KALRN: variants seen among roughly 807,000 people sequenced by gnomAD.
The protein encoded by KALRN is kalirin.
Under a neutral mutation model 353.7 loss-of-function variants are expected in KALRN, and 70 were observed. That is an observed-to-expected ratio of 0.20 (90% confidence interval 0.16 to 0.24). KALRN has a LOEUF of 0.24. KALRN is among the 10% of genes least tolerant of loss of function. The pLI, the probability that KALRN is intolerant of heterozygous loss-of-function variation, is 1.00. For synonymous variants in KALRN, 1,391 were observed against 1,434.8 expected (o/e 0.97, Z 0.69); for missense variants, 2,791 against 3,756.7 (o/e 0.74, Z 6.72).
chr3:124,642,814 T>TTTGTTGTTG (rs1559750137), intron 37 of KALRN, among the ~76,000 whole-genome samples: 4 of 102,198 alleles, frequency 3.9e-5, no homozygotes, highest in Admixed American at 2.3e-4. Flanking sequence ...TCGTTTTTTT[T>TTTGTTGTTG]TTTTTTTTTT....
At chr3:124,103,298 A>G (rs1456562986) in intron 1 of KALRN, among the ~76,000 whole-genome samples, 1 of 152,148 alleles carries the variant, frequency 6.6e-6, no homozygotes, top group Non-Finnish European at 1.5e-5. Flanking sequence ...AGTGGGGTGG[A>G]GATTACTGTG....
chr3:124,679,841 G>A, intron 51 of KALRN: 1 of 393,056 alleles, frequency 2.5e-6, no homozygotes, highest in Non-Finnish European at 4.8e-6. Flanking sequence ...ATTTTTTCAT[G>A]GAAAACAGCA....
intron 10 of KALRN, among the ~76,000 whole-genome samples, chr3:124,358,882 A>G (rs2083704335): frequency 6.6e-6 from 1 of 152,096 alleles, no homozygotes; most frequent in African/African-American, 2.4e-5. Context: ...CAGGCTGTCA[A>G]CCACCCTGCT....
Position 124,474,682 on chromosome 3 carries a change from G to A in KALRN, c.4051G>A (p.Glu1351Lys). 2.5e-6 allele frequency: 4 copies of A among 1,614,046 alleles called. No homozygotes were observed. The highest frequency in any genetic ancestry group is 3.4e-6 in the Non-Finnish European group (4 of 1,179,950). Residue 1351 changes from glutamate (E) to lysine (K), a missense_variant, in exon 26 of 60, where the codon GAG (glutamate) becomes AAG (lysine). By Grantham distance (56) the Glu-to-Lys change is moderately conservative (BLOSUM62 1). Transcript: ENST00000682506. Reference sequence around the variant, plus strand: ...TTGCAGCATCTTCCTCAAAGAGCTGGAGAAGTACGAGCAACTGCCTGAGGA... The same window carrying A: ...TTGCAGCATCTTCCTCAAAGAGCTGAAGAAGTACGAGCAACTGCCTGAGGA... Reference protein sequence around the residue: ...FHNNIFLKELEKYEQLPEDVG... With the variant: ...FHNNIFLKELKKYEQLPEDVG...
At chr3:124,538,197 C>T (rs139036631) in intron 33 of KALRN, among the ~76,000 whole-genome samples, 9 of 152,030 alleles carry the variant, frequency 5.9e-5, no homozygotes, top group South Asian at 2.1e-4. Flanking sequence ...TTTGAGTGAC[C>T]TTGATATAGG....
rs529163294 is a variant in KALRN at position 124,275,220 on chromosome 3, TGAG to T, written c.969+5969_969+5971del. On this transcript the variant is annotated intron_variant, in intron 5 of 59. Transcript: ENST00000682506. ...GTGGTGATGACAGAGAATAAACTTCTGAGGAGATGTACCAGAATCTGCAGAGTG... is the reference window on the plus strand; with the variant it reads ...GTGGTGATGACAGAGAATAAACTTCTGAGATGTACCAGAATCTGCAGAGTG... Among the ~76,000 whole-genome samples the T allele has an allele frequency of 7.3e-4, 111 of 152,332 alleles. 1 individual carries two copies. The highest frequency in any genetic ancestry group is 2.5e-3 in the African/African-American group (105 of 41,572).
chr3:124,187,154 C>T (rs1418382362), intron 1 of KALRN, among the ~76,000 whole-genome samples: 5 of 152,188 alleles, frequency 3.3e-5, no homozygotes, highest in Admixed American at 1.3e-4. Context: ...GATCTCAGCT[C>T]GCTGCAAACT....
intron 1 of KALRN, among the ~76,000 whole-genome samples, chr3:124,102,732 T>A (rs918371546): frequency 6.6e-6 from 1 of 152,240 alleles, no homozygotes; most frequent in Non-Finnish European, 1.5e-5. Flanking sequence ...CACTATCCTT[T>A]GTATTTTCAC....
chr3:124,241,806 T>G (rs1045412738), intron 3 of KALRN, among the ~76,000 whole-genome samples: 1 of 151,940 alleles, frequency 6.6e-6, no homozygotes, highest in East Asian at 1.9e-4. Context: ...TGACTGGGAG[T>G]GGGGAGACTT....
At chr3:124,272,202 A>C (rs994349904) in intron 5 of KALRN, among the ~76,000 whole-genome samples, 10 of 152,264 alleles carry the variant, frequency 6.6e-5, no homozygotes, top group Non-Finnish European at 1.2e-4. Context: ...TAAAAATAGC[A>C]GCACTATATG....
chr3:124,237,943 A>G (rs1031953798), intron 3 of KALRN, among the ~76,000 whole-genome samples: 1 of 152,194 alleles, frequency 6.6e-6, no homozygotes, highest in Admixed American at 6.5e-5. Context: ...AATTTAAGGA[A>G]CCAGCAAACT....
At chr3:124,311,966 A>G (rs1261836887) in intron 6 of KALRN, among the ~76,000 whole-genome samples, 4 of 152,334 alleles carry the variant, frequency 2.6e-5, no homozygotes, top group Non-Finnish European at 5.9e-5. Flanking sequence ...TTTAAAGAAG[A>G]AAGTAGATTA....
intron 1 of KALRN, among the ~76,000 whole-genome samples, chr3:124,113,453 T>C (rs562611079): frequency 4.3e-4 from 65 of 152,312 alleles, no homozygotes; most frequent in African/African-American, 1.4e-3. Flanking sequence ...AGAATATGCA[T>C]GTGAGGATCT....
intron 13 of KALRN, among the ~76,000 whole-genome samples, chr3:124,409,433 A>G (rs1370534161): frequency 6.6e-6 from 1 of 152,216 alleles, no homozygotes; most frequent in Non-Finnish European, 1.5e-5. Flanking sequence ...TAAGCCAGAG[A>G]AAAATATTCG....
chr3:124,223,339 GC>G (rs2078126291), intron 1 of KALRN, among the ~76,000 whole-genome samples: 1 of 152,070 alleles, frequency 6.6e-6, no homozygotes, highest in Non-Finnish European at 1.5e-5. Flanking sequence ...TCAATTGTAA[GC>G]CAGATCTCTT....
chr3:124,661,229 C>T (rs1450260739), intron 44 of KALRN, among the ~76,000 whole-genome samples: 2 of 152,110 alleles, frequency 1.3e-5, no homozygotes, highest in Non-Finnish European at 2.9e-5. Flanking sequence ...CCTGGTGACA[C>T]ATAGTGGGAA....
At chr3:124,543,823 G>A (rs369249422) in intron 33 of KALRN, among the ~76,000 whole-genome samples, 2 of 152,230 alleles carry the variant, frequency 1.3e-5, no homozygotes, top group Non-Finnish European at 2.9e-5. Flanking sequence ...AACAGGGAGA[G>A]AACAGTATAA....
At chr3:124,433,582 A>G (rs2093357360) in intron 16 of KALRN, among the ~76,000 whole-genome samples, 1 of 145,346 alleles carries the variant, frequency 6.9e-6, no homozygotes, top group South Asian at 2.2e-4. Flanking sequence ...TCGGTGATAG[A>G]TCAAGACCCT....
chr3:124,102,682 C>T (rs764452672), intron 1 of KALRN, among the ~76,000 whole-genome samples: 18 of 152,166 alleles, frequency 1.2e-4, no homozygotes, highest in Non-Finnish European at 2.2e-4. Context: ...AATTTCCCTC[C>T]ATTAAGAGTG....
Sources: gnomAD v4.1 joint callset for allele counts (sites outside exome capture counted in the v4.1 genomes callset) on GRCh38, gnomAD v4.1.1 for gene constraint, MANE v1.5 for transcripts, NCBI Gene and HGNC (gene_info 2026-07-23, HGNC 2026-07-21) for gene names.